Variants in HERC2 observed in about 807,000 individuals in gnomAD.
HERC2 encodes HECT and RLD domain containing E3 ubiquitin protein ligase 2.
A neutral mutation model predicts 537.7 loss-of-function variants in HERC2; 102 were observed. The ratio of observed to expected loss-of-function variants is 0.19; its 90% CI spans 0.16 to 0.22. The LOEUF (loss-of-function observed/expected upper bound fraction) is 0.22. Ranked by LOEUF, HERC2 falls within the 10% of genes least tolerant of loss-of-function variation. HERC2 has a pLI of 1.00. For synonymous variants in HERC2, 2,224 were observed against 2,466.2 expected, an observed-to-expected ratio of 0.90 and a Z score of 2.91; for missense variants, 4,236 against 6,198.2, an observed-to-expected ratio of 0.68 and a Z score of 10.63.
At chr15:28,245,797 G>C (rs962298766) in intron 23 of HERC2, 84 bp downstream of exon 23, 18 of 1,199,252 alleles carry the variant, frequency 1.5e-5, no homozygotes, top group Non-Finnish European at 2.0e-5. Flanking sequence ...CCTTTGTAAA[G>C]TATTCTTTCA....
intron 66 of HERC2, 134 bp downstream of exon 66, chr15:28,169,350 G>T (rs2140099774): frequency 1.7e-6 from 1 of 596,226 alleles, no homozygotes; most frequent in Non-Finnish European, 2.8e-6. Context: ...AAGAACTTGT[G>T]ACTTACAACA....
chr15:28,231,922 C>A (rs1901899337), intron 30 of HERC2, among the ~76,000 whole-genome samples: 2 of 151,976 alleles, frequency 1.3e-5, no homozygotes, highest in African/African-American at 4.8e-5. Context: ...ACAGTGTGGG[C>A]TCAGAACCCA....
Position 28,113,628 on chromosome 15 carries a change from C to A in HERC2, c.13964G>T (p.Arg4655Leu). The A allele has an allele frequency of 6.2e-7, 1 of 1,614,184 alleles. No homozygotes were observed. ...QVAAVREGMA[R>L]VVPVPLLSLF... ...AGAGAGGAGGGGAACAGGCACAACG[C>A]GGGCCATTCCTTCCCGAACAGCAGC... is the stretch of plus-strand genomic sequence containing the variant. The change falls in exon 91 of 93, where the codon CGC becomes CTC. Residue 4655 changes from arginine (R) to leucine (L), a missense_variant. Around this residue, in one of 27 missense-constraint regions of HERC2, gnomAD observed 313 missense variants for 462.6 expected, o/e 0.68. Transcript: ENST00000261609. The surrounding 1 kb of genome is among the most constrained non-coding windows in gnomAD (Gnocchi z 7.0).
Position 28,245,909 on chromosome 15 carries a change from A to C in HERC2, c.3549T>G (p.His1183Gln), listed in dbSNP as rs769133410. The C allele has an allele frequency of 2.5e-6, 4 of 1,613,948 alleles. No individual in the cohort carries two copies. The Admixed American group carries it at 5.0e-5, about 20-fold the overall frequency. ...TTATGCCAGGCCAGGCTAACTCTTC[A>C]TGATCATCCCGTTCCTTTCCTGGTG... ...HLAPGKERDD[H>Q]EELAWPGIME... Residue 1183 changes from histidine (H) to glutamine (Q), a missense_variant, in exon 23 of 93, where the codon CAT (histidine) becomes CAG (glutamine). Coordinates refer to ENST00000261609, the MANE Select transcript of HERC2 (RefSeq NM_004667.6).
intron 50 of HERC2, among the ~76,000 whole-genome samples, chr15:28,196,858 CT>C (rs1451647048): frequency 6.6e-6 from 1 of 152,180 alleles, no homozygotes; most frequent in Non-Finnish European, 1.5e-5. Context: ...ACATTCCTTA[CT>C]TTTGCATTAG....
At chr15:28,141,240 CTT>C (rs377739906) in intron 78 of HERC2, among the ~76,000 whole-genome samples, 190 bp downstream of exon 78, 1 of 145,554 alleles carries the variant, frequency 6.9e-6, no homozygotes, top group African/African-American at 2.5e-5. Flanking sequence ...CTGTCTTAAA[CTT>C]TTTTTTTTTT....
chr15:28,213,850 A>G lies in HERC2; in HGVS notation c.6678T>C (p.Asp2226=), dbSNP rs1596248436. The G allele has an allele frequency of 1.9e-6, 3 of 1,613,874 alleles. No individual in the cohort carries two copies. Among genetic ancestry groups the G allele is most frequent in the East Asian group, 2.2e-5 (1 of 44,866 alleles). The part of the protein sequence containing the change: ...RLRLGGQVMH[D]EFGEGTVTRI... ...GAGTCACAGTGCCTTCTCCAAACTC[A>G]TCGTGCATAACTTGACCGCCCAGGC... Residue 2226 remains aspartate, a synonymous_variant, in exon 42 of 93, where the codon GAT becomes GAC. Coordinates refer to ENST00000261609, the MANE Select transcript of HERC2 (RefSeq NM_004667.6).
chr15:28,210,768 T>C (rs1370481726), intron 44 of HERC2, among the ~76,000 whole-genome samples: 10 of 151,908 alleles, frequency 6.6e-5, no homozygotes, highest in African/African-American at 2.2e-4. Flanking sequence ...ACACTTTAAA[T>C]GGGAAGGCAT....
At position 28,146,280 on chromosome 15, in the gene HERC2, G is replaced by T; in HGVS notation, c.10965C>A (p.Leu3655=). ...TCCTGTTGACGCCGTCCATGACTGT[G>T]AGAGGGTCGTGGCGCCTCTCTGTGG... is the stretch of plus-strand genomic sequence containing the variant. ...QCSTERRHDP[L]TVMDGVNRIV... Residue 3655 remains leucine, a synonymous_variant, in exon 71 of 93, where the codon CTC becomes CTA. Coordinates refer to ENST00000261609, the MANE Select transcript of HERC2 (RefSeq NM_004667.6). 6.2e-7 allele frequency: 1 copy of T among 1,614,056 alleles called. No individual in the cohort carries two copies. The highest frequency in any genetic ancestry group is 8.5e-7 in the Non-Finnish European group (1 of 1,180,012).
At chr15:28,225,338 A>G (rs932213247) in intron 35 of HERC2, among the ~76,000 whole-genome samples, 1 of 152,144 alleles carries the variant, frequency 6.6e-6, no homozygotes, top group Non-Finnish European at 1.5e-5. Flanking sequence ...AGAGAATAGA[A>G]AAATAACAAA....
At chr15:28,246,224 G>A (rs972304920) in intron 22 of HERC2, among the ~76,000 whole-genome samples, 158 bp from the exon 23 acceptor site, 3 of 152,052 alleles carry the variant, frequency 2.0e-5, no homozygotes, top group Non-Finnish European at 4.4e-5. Context: ...ATTGAGACAG[G>A]CATAGCTATT....
At chr15:28,200,432 C>T (rs1158293411) in intron 48 of HERC2, among the ~76,000 whole-genome samples, 1 of 151,954 alleles carries the variant, frequency 6.6e-6, no homozygotes, top group Non-Finnish European at 1.5e-5. Context: ...CACCTACAAG[C>T]CAGGAAGAGG....
intron 83 of HERC2, among the ~76,000 whole-genome samples, chr15:28,128,263 G>A (rs998613231): frequency 1.3e-5 from 2 of 152,192 alleles, no homozygotes; most frequent in African/African-American, 4.8e-5. Context: ...TGCTGCAAAT[G>A]GGCATGGGCG....
Position 28,316,493 on chromosome 15 carries a change from G to T in HERC2, c.72+4869C>A, listed in dbSNP as rs1339495863. ...TGCCTCTACAAAAAAAAATTTTTTTGCTGCAAAATGCTCTCAATTAACCTG... is the reference window on the plus strand; with the variant it reads ...TGCCTCTACAAAAAAAAATTTTTTTTCTGCAAAATGCTCTCAATTAACCTG... On this transcript the variant is annotated intron_variant, in intron 2 of 92. Transcript: ENST00000261609. Among the ~76,000 whole-genome samples, 4 of 152,018 alleles carry T rather than the reference G, an allele frequency of 2.6e-5. No individual in the cohort carries two copies. The East Asian group carries it at 7.7e-4, about 29-fold the overall frequency.
chr15:28,152,580 A>G (rs1892566387), intron 70 of HERC2, 97 bp downstream of exon 70: 2 of 1,105,366 alleles, frequency 1.8e-6, no homozygotes, highest in South Asian at 3.9e-5. Flanking sequence ...TTCTTTTTAT[A>G]AAATGGAGAT....
intron 37 of HERC2, 55 bp from the exon 38 acceptor site, chr15:28,218,726 G>A: frequency 2.2e-6 from 3 of 1,384,674 alleles, no homozygotes; most frequent in South Asian, 1.2e-5. Context: ...CTGGAAGATA[G>A]TCCTGCATAT....
At chr15:28,209,547 G>T (rs942193534) in intron 44 of HERC2, among the ~76,000 whole-genome samples, 5 of 152,094 alleles carry the variant, frequency 3.3e-5, no homozygotes, top group Non-Finnish European at 2.9e-5. Context: ...GTTTCACCGT[G>T]TTAGCCAGGA....
chr15:28,270,589 C>T lies in HERC2; in HGVS notation c.1257+106G>A, dbSNP rs866078459. ...CGTTTAAAAACCACAGGCCAGCTCC[C>T]CCTACCAATACCAGAAAAAGCAAGT... On this transcript the variant is annotated intron_variant, in intron 10 of 92. Coordinates refer to ENST00000261609, the MANE Select transcript of HERC2 (RefSeq NM_004667.6). 86 of 1,092,932 alleles carry T rather than the reference C, an allele frequency of 7.9e-5. 1 individual carries two copies. In the South Asian group the frequency reaches 1.3e-3, roughly 17 times the overall value. 67.7% of individuals were successfully genotyped at this position (1,092,932 alleles called of 1,614,324 possible). A position where few individuals can be genotyped will look rare whatever the true frequency, so the allele number is the denominator to read the frequency against.
At chr15:28,308,925 G>A (rs986768834) in intron 2 of HERC2, among the ~76,000 whole-genome samples, 13 of 152,310 alleles carry the variant, frequency 8.5e-5, no homozygotes, top group African/African-American at 1.9e-4. Context: ...TCTTTCTAAC[G>A]TATTGCTGAA....
Sources: gnomAD v4.1 joint callset for allele counts (sites outside exome capture counted in the v4.1 genomes callset) on GRCh38, gnomAD v4.1.1 for gene constraint, gnomAD v4.1.1 regional missense constraint, Gnocchi (gnomAD v3.1) non-coding constraint, MANE v1.5 for transcripts, NCBI Gene and HGNC (gene_info 2026-07-23, HGNC 2026-07-21) for gene names.